Variants in MAP2K3 observed in about 807,000 individuals in gnomAD.
The protein encoded by MAP2K3 is mitogen-activated protein kinase kinase 3.
MAP2K3 carries 30 observed loss-of-function variants against 46.4 expected under a neutral mutation model. That is an observed-to-expected ratio of 0.65 (90% CI 0.48 to 0.88). The LOEUF (loss-of-function observed/expected upper bound fraction) is 0.88, where lower values mean the gene tolerates loss of function less well. Ranked by LOEUF, MAP2K3 falls within the 40% of genes least tolerant of loss-of-function variation. The pLI, the probability that MAP2K3 is intolerant of heterozygous loss-of-function variation, is 0.00. For synonymous variants in MAP2K3, 189 were observed against 176.3 expected, an observed-to-expected ratio of 1.07 and a Z score of -0.57; for missense variants, 380 against 464.5, an observed-to-expected ratio of 0.82 and a Z score of 1.67.
At chr17:21,305,833 C>T (rs374786263) in intron 9 of MAP2K3, among the ~76,000 whole-genome samples, 276 of 151,336 alleles carry the variant, frequency 1.8e-3, no homozygotes, top group African/African-American at 6.3e-3. Context: ...CGTGGAAGGA[C>T]GATGCCATCA....
chr17:21,296,900 AGCTGCTGCTGCTGCT>A (rs3035372), intron 1 of MAP2K3, among the ~76,000 whole-genome samples: 13 of 150,280 alleles, frequency 8.7e-5, no homozygotes, highest in Non-Finnish European at 1.3e-4. Context: ...ATGTGGCGGC[AGCTGCTGCTGCTGCT>A]GCTGCTGCTG....
intron 1 of MAP2K3, among the ~76,000 whole-genome samples, chr17:21,289,719 G>A (rs1048262724): frequency 1.3e-5 from 2 of 152,232 alleles, no homozygotes; most frequent in African/African-American, 4.8e-5. Context: ...GGCCATACAG[G>A]GCCAGGGGAG....
intron 1 of MAP2K3, chr17:21,291,446 C>T (rs1975930055): frequency 4.4e-6 from 2 of 456,392 alleles, no homozygotes; most frequent in South Asian, 3.1e-5. Context: ...GGAGCAGCAG[C>T]ACTGGCCTGT....
chr17:21,302,751 T>C (rs1160403968), intron 6 of MAP2K3, among the ~76,000 whole-genome samples: 3 of 152,304 alleles, frequency 2.0e-5, no homozygotes, highest in African/African-American at 7.2e-5. Flanking sequence ...GTGAGACTGG[T>C]TCAATCCTCA....
At chr17:21,298,331 C>G (rs1976379804) in intron 1 of MAP2K3, 82 bp from the exon 2 acceptor site, 1 of 1,588,836 alleles carries the variant, frequency 6.3e-7, no homozygotes. Context: ...CCCTTGTGGG[C>G]CAGGGCCTGA....
chr17:21,312,606 T>A (rs73302052), intron 10 of MAP2K3, among the ~76,000 whole-genome samples: 2 of 152,110 alleles, frequency 1.3e-5, no homozygotes, highest in Non-Finnish European at 2.9e-5. Flanking sequence ...GAATGCCCCA[T>A]AGGAGCCTTA....
In MAP2K3 at chr17:21,312,255, C is replaced by T. The variant is rs1408388819; in HGVS notation, c.888C>T (p.Pro296=). The T allele has an allele frequency of 4.4e-6, 7 of 1,601,030 alleles. No individual in the cohort carries two copies. The highest frequency in any genetic ancestry group is 1.4e-5 in the African/African-American group (1 of 73,780). Residue 296 remains proline, a synonymous_variant, in exon 10 of 12, where the codon CCC becomes CCT. Transcript: ENST00000342679. ...SPQLPADRFS[P]EFVDFTAQCL... ...AGCTCCCAGCCGACCGTTTCTCCCC[C>T]GAGTTTGTGGACTTCACTGCTCAGT...
intron 3 of MAP2K3, among the ~76,000 whole-genome samples, chr17:21,299,681 C>CAAA (rs68190120): frequency 7.5e-6 from 1 of 132,974 alleles, no homozygotes; most frequent in Non-Finnish European, 1.6e-5. Context: ...GACCCCGTTT[C>CAAA]AAAAAAAAAA....
chr17:21,301,321 G>T (rs547918448), intron 5 of MAP2K3, among the ~76,000 whole-genome samples: 1 of 152,312 alleles, frequency 6.6e-6, no homozygotes, highest in African/African-American at 2.4e-5. Context: ...TGGCATATGG[G>T]GCGTGGGGTG....
chr17:21,292,699 C>T (rs534815041), intron 1 of MAP2K3, among the ~76,000 whole-genome samples: 1 of 152,422 alleles, frequency 6.6e-6, no homozygotes, highest in South Asian at 2.1e-4. Flanking sequence ...GTTGGCCAGG[C>T]TGGTCTCAAA....
At chr17:21,288,955 A>G (rs909169488) in intron 1 of MAP2K3, among the ~76,000 whole-genome samples, 1 of 152,242 alleles carries the variant, frequency 6.6e-6, no homozygotes, top group Non-Finnish European at 1.5e-5. Flanking sequence ...GGGAGTAAAC[A>G]TGCTCCCTTG....
At chr17:21,298,758 G>A (rs1976414326) in intron 2 of MAP2K3, 120 bp from the exon 3 acceptor site, 4 of 1,461,612 alleles carry the variant, frequency 2.7e-6, no homozygotes, top group Admixed American at 1.8e-5. Context: ...GCCGGAGAAG[G>A]CGCCTCCGGG....
chr17:21,298,778 A>C, intron 2 of MAP2K3, 100 bp from the exon 3 acceptor site: 4 of 1,567,474 alleles, frequency 2.6e-6, no homozygotes, highest in Non-Finnish European at 2.6e-6. Flanking sequence ...GGCAGGAGGC[A>C]CCTCGTCCCC....
intron 1 of MAP2K3, 118 bp downstream of exon 1, chr17:21,285,087 G>T (rs563702409): frequency 3.5e-6 from 5 of 1,413,652 alleles, no homozygotes; most frequent in Middle Eastern, 1.8e-4. Flanking sequence ...AGCGGCGTCC[G>T]GTCCCGGAAC....
At chr17:21,287,508 T>C (rs1160898831) in intron 1 of MAP2K3, among the ~76,000 whole-genome samples, 1 of 152,208 alleles carries the variant, frequency 6.6e-6, no homozygotes, top group African/African-American at 2.4e-5. Context: ...ACCTTTGAGC[T>C]TCCTGCCTGG....
chr17:21,305,221 A>G, intron 9 of MAP2K3, 93 bp downstream of exon 9: 2 of 1,472,710 alleles, frequency 1.4e-6, no homozygotes, highest in Non-Finnish European at 1.9e-6. Flanking sequence ...CTCATCAAAT[A>G]GTTTAGGTTC....
chr17:21,296,144 A>AGAC (rs1976235337), intron 1 of MAP2K3: 5 of 1,289,468 alleles, frequency 3.9e-6, no homozygotes, highest in Non-Finnish European at 5.1e-6. Flanking sequence ...CCATCTGCGC[A>AGAC]GTGAACCCTG....
chr17:21,308,368 A>C (rs1412100273), intron 9 of MAP2K3, among the ~76,000 whole-genome samples: 1 of 152,310 alleles, frequency 6.6e-6, no homozygotes, highest in Non-Finnish European at 1.5e-5. Context: ...GGCTGGTCTC[A>C]AACTCCTGAC....
chr17:21,309,940 A>T (rs118084716), intron 9 of MAP2K3, among the ~76,000 whole-genome samples: 5,176 of 151,396 alleles, frequency 0.034, 114 homozygotes, highest in South Asian at 0.078. Flanking sequence ...TTTAAAAAAA[A>T]TTTTGTAGCA....
Sources: allele counts gnomAD v4.1 joint callset (sites outside exome capture counted in the v4.1 genomes callset), GRCh38; gene constraint gnomAD v4.1.1; transcripts MANE v1.5; gene names NCBI Gene and HGNC (gene_info 2026-07-23, HGNC 2026-07-21).